MAGI2: variants seen among roughly 807,000 people sequenced by gnomAD.
MAGI2 encodes the protein membrane associated guanylate kinase, WW and PDZ domain containing 2, also known as membrane-associated guanylate kinase, WW and PDZ domain-containing protein 2.
In MAGI2, 35 loss-of-function variants were observed where a neutral mutation model predicts 133.3. The observed-to-expected ratio is 0.26, with a 90% CI of 0.20 to 0.35. The LOEUF (loss-of-function observed/expected upper bound fraction) is 0.35, where lower values mean the gene tolerates loss of function less well. MAGI2 is among the 10% of genes least tolerant of loss of function. MAGI2 has a pLI of 1.00. For synonymous variants in MAGI2, 729 were observed against 710.6 expected (o/e 1.03, Z -0.41); for missense variants, 1,636 against 1,863.4 (o/e 0.88, Z 2.25).
chr7:78,859,380 G>C (rs1223698488), intron 2 of MAGI2, among the ~76,000 whole-genome samples: 2 of 151,882 alleles, frequency 1.3e-5, no homozygotes, highest in African/African-American at 4.8e-5. Flanking sequence ...GCTGGTATCA[G>C]TTGTTCCTTT....
intron 12 of MAGI2, among the ~76,000 whole-genome samples, chr7:78,189,865 T>C (rs911130543): frequency 4.6e-5 from 7 of 152,178 alleles, no homozygotes; most frequent in Admixed American, 1.3e-4. Flanking sequence ...CAAGGCCCTC[T>C]ATCCTGTATC....
At position 78,237,595 on chromosome 7, in the gene MAGI2, AAAC is replaced by A. The variant is rs538332839; in HGVS notation, c.2047+18345_2047+18347del. Reference sequence around the variant, plus strand: ...AGCTCCTTCTATTGAAACTTACCACAAACAACAACATTTCATCACTTAACATTG... The same window carrying A: ...AGCTCCTTCTATTGAAACTTACCACAAACAACATTTCATCACTTAACATTG... On this transcript the variant is annotated intron_variant, in intron 10 of 21. Coordinates refer to ENST00000354212, the MANE Select transcript of MAGI2 (RefSeq NM_012301.4). Among the ~76,000 whole-genome samples the A allele has an allele frequency of 1.9e-3, 284 of 152,304 alleles. 1 individual carries two copies. The highest frequency in any genetic ancestry group is 7.5e-3 in the East Asian group (39 of 5,186).
chr7:78,049,133 A>C (rs1811749383), intron 21 of MAGI2, among the ~76,000 whole-genome samples: 1 of 151,764 alleles, frequency 6.6e-6, no homozygotes. Flanking sequence ...AGACTTCAAA[A>C]TTAATGTTAA....
At chr7:79,076,709 T>C (rs1815495427) in intron 1 of MAGI2, among the ~76,000 whole-genome samples, 1 of 152,234 alleles carries the variant, frequency 6.6e-6, no homozygotes, top group African/African-American at 2.4e-5. Flanking sequence ...AAGCAAAATA[T>C]AATTCTTTTC....
intron 2 of MAGI2, among the ~76,000 whole-genome samples, chr7:78,636,966 G>T (rs1269549069): frequency 2.6e-5 from 4 of 152,206 alleles, no homozygotes; most frequent in African/African-American, 9.6e-5. Context: ...TTTCTAACAA[G>T]TTTTCAGGCG....
At chr7:78,421,875 G>C (rs1305652629) in intron 6 of MAGI2, among the ~76,000 whole-genome samples, 4 of 152,104 alleles carry the variant, frequency 2.6e-5, no homozygotes, top group African/African-American at 9.7e-5. Context: ...TAACCTATAG[G>C]AGTTGTGAGA....
At chr7:78,803,540 G>C (rs1295274330) in intron 2 of MAGI2, among the ~76,000 whole-genome samples, 1 of 152,038 alleles carries the variant, frequency 6.6e-6, no homozygotes, top group Non-Finnish European at 1.5e-5. Flanking sequence ...TAAGTGAGCA[G>C]TTCTTTTGTC....
At chr7:78,988,709 C>T (rs1805489612) in intron 2 of MAGI2, among the ~76,000 whole-genome samples, 1 of 152,086 alleles carries the variant, frequency 6.6e-6, no homozygotes, top group Non-Finnish European at 1.5e-5. Context: ...CCGTGAACCT[C>T]TATAGCCCCA....
intron 5 of MAGI2, among the ~76,000 whole-genome samples, chr7:78,494,049 T>C (rs1377548156): frequency 1.3e-5 from 2 of 152,092 alleles, no homozygotes; most frequent in Non-Finnish European, 2.9e-5. Context: ...TGATCTTGGC[T>C]CACTGCCACC....
chr7:79,028,269 G>GTATA (rs1464056500), intron 1 of MAGI2, among the ~76,000 whole-genome samples: 3 of 21,356 alleles, frequency 1.4e-4, no homozygotes, highest in African/African-American at 4.3e-4. Context: ...ATATATATAT[G>GTATA]TATGTATGTA....
At chr7:78,316,912 G>A (rs1023087414) in intron 9 of MAGI2, among the ~76,000 whole-genome samples, 1 of 151,942 alleles carries the variant, frequency 6.6e-6, no homozygotes, top group African/African-American at 2.4e-5. Context: ...TTACAAATTA[G>A]GTAAATTAAT....
chr7:79,049,157 A>G (rs1019212143), intron 1 of MAGI2, among the ~76,000 whole-genome samples: 1 of 152,190 alleles, frequency 6.6e-6, no homozygotes, highest in Admixed American at 6.5e-5. Context: ...TGACATGATT[A>G]AAAGTGTGGA....
At chr7:78,895,519 C>G (rs574207321) in intron 2 of MAGI2, among the ~76,000 whole-genome samples, 1 of 106,774 alleles carries the variant, frequency 9.4e-6, no homozygotes, top group African/African-American at 2.7e-5. Context: ...TTATGTAGAG[C>G]TTTAAAAAAA....
intron 1 of MAGI2, among the ~76,000 whole-genome samples, chr7:79,170,559 T>C (rs559256361): frequency 1.3e-5 from 2 of 152,094 alleles, no homozygotes; most frequent in Admixed American, 1.3e-4. Flanking sequence ...ATGCTTTAAA[T>C]CCAAAATATC....
At chr7:78,341,944 G>A (rs1206082040) in intron 9 of MAGI2, among the ~76,000 whole-genome samples, 1 of 152,134 alleles carries the variant, frequency 6.6e-6, no homozygotes, top group African/African-American at 2.4e-5. Flanking sequence ...GGCAACAAAA[G>A]CCCAAATTGA....
chr7:78,840,210 A>T (rs950926335), intron 2 of MAGI2, among the ~76,000 whole-genome samples: 2 of 152,062 alleles, frequency 1.3e-5, no homozygotes, highest in Non-Finnish European at 2.9e-5. Context: ...ACCTTTCAAC[A>T]TACAGCATTC....
chr7:78,568,791 TG>T (rs1801203299), intron 3 of MAGI2, among the ~76,000 whole-genome samples: 2 of 151,796 alleles, frequency 1.3e-5, no homozygotes, highest in Non-Finnish European at 2.9e-5. Flanking sequence ...TTAATAAAGC[TG>T]AAAAAAAAAC....
At chr7:79,348,063 A>G (rs1194381707) in intron 1 of MAGI2, among the ~76,000 whole-genome samples, 1 of 151,934 alleles carries the variant, frequency 6.6e-6, no homozygotes. Context: ...GTATATTAAG[A>G]TATTGCATTT....
intron 1 of MAGI2, among the ~76,000 whole-genome samples, chr7:79,261,179 C>T (rs1240344991): frequency 2.0e-5 from 3 of 152,140 alleles, no homozygotes; most frequent in African/African-American, 7.2e-5. Flanking sequence ...AGCCCAAGAA[C>T]CTGGATTGAA....
Sources: allele counts gnomAD v4.1 joint callset (sites outside exome capture counted in the v4.1 genomes callset), GRCh38; gene constraint gnomAD v4.1.1; transcripts MANE v1.5; gene names NCBI Gene and HGNC (gene_info 2026-07-23, HGNC 2026-07-21).